The following SSR1 variants were observed in gnomAD, a reference collection of about 807,000 sequenced individuals.
The protein encoded by SSR1 is signal sequence receptor subunit 1.
A neutral mutation model predicts 36.1 loss-of-function variants in SSR1; 13 were observed. The ratio of observed to expected loss-of-function variants is 0.36; its 90% CI spans 0.23 to 0.57. The LOEUF is 0.57. Ranked by LOEUF, SSR1 falls within the 20% of genes least tolerant of loss-of-function variation. The probability of loss-of-function intolerance (pLI) is 0.81; values close to 1 mark genes in which losing one functional copy is unlikely to be tolerated. For missense variants in SSR1, 291 were observed against 338.5 expected (o/e 0.86, Z 1.10); for synonymous variants, 113 against 118.9 (o/e 0.95, Z 0.32).
intron 4 of SSR1, among the ~76,000 whole-genome samples, chr6:7,300,530 TA>T (rs1192938931): frequency 6.6e-6 from 1 of 152,234 alleles, no homozygotes; most frequent in Non-Finnish European, 1.5e-5. Context: ...TATCTATGAG[TA>T]CATAAAATGA....
intron 2 of SSR1, among the ~76,000 whole-genome samples, chr6:7,306,897 A>T (rs1428735962): frequency 7.1e-6 from 1 of 140,440 alleles, no homozygotes; most frequent in Non-Finnish European, 1.5e-5. Flanking sequence ...AGCCTGGGCG[A>T]CAGAGCGAGA....
At chr6:7,294,401 A>C (rs1392364723) in intron 7 of SSR1, among the ~76,000 whole-genome samples, 1 of 152,174 alleles carries the variant, frequency 6.6e-6, no homozygotes, top group Non-Finnish European at 1.5e-5. Context: ...ATTTATGAAA[A>C]ATAGGGCCGG....
chr6:7,298,080 C>T, intron 5 of SSR1, 79 bp from the exon 6 acceptor site: 1 of 1,047,872 alleles, frequency 9.5e-7, no homozygotes, highest in South Asian at 1.5e-5. Context: ...AATTATAACA[C>T]ATAATAGAAG....
At chr6:7,311,276 C>A (rs983022704) in intron 1 of SSR1, among the ~76,000 whole-genome samples, 13 of 147,430 alleles carry the variant, frequency 8.8e-5, no homozygotes, top group African/African-American at 3.4e-4. Context: ...CACATTATAT[C>A]TATTTCAGGC....
intron 2 of SSR1, among the ~76,000 whole-genome samples, chr6:7,307,015 G>A (rs1165915346): frequency 6.6e-6 from 1 of 151,684 alleles, no homozygotes; most frequent in East Asian, 1.9e-4. Flanking sequence ...TAAACCAGCT[G>A]TTGATATCTT....
In SSR1 at chr6:7,310,447, A is replaced by G. The variant is rs188027739; in HGVS notation, c.80-418T>C. On this transcript the variant is annotated intron_variant, in intron 1 of 7. Coordinates refer to ENST00000244763, the MANE Select transcript of SSR1 (RefSeq NM_003144.5). ...TTTAACTTCAAAAAGTGCCCAACAG[A>G]TGGAAAAATGAATGGCACAAACTAA... 7.9e-5 allele frequency among the ~76,000 whole-genome samples: 12 copies of G among 152,280 alleles called. No homozygotes were observed. In the East Asian group the frequency reaches 2.3e-3, roughly 29 times the overall value.
At chr6:7,295,328 A>C in intron 7 of SSR1, 64 bp downstream of exon 7, 1 of 1,337,544 alleles carries the variant, frequency 7.5e-7, no homozygotes. Flanking sequence ...TTTAAACTAA[A>C]TCTAAGGTAT....
In SSR1 at chr6:7,289,597, A is replaced by G. The variant is rs970091424; in HGVS notation, c.*267T>C. ...AAGACTTGTTTCAGGTAGTTCAACA[A>G]TGATTCTGGTAAGACCAACTGCTCA... is the stretch of plus-strand genomic sequence containing the variant. On this transcript the variant is annotated 3_prime_UTR_variant, in exon 8 of 8. Coordinates refer to ENST00000244763, the MANE Select transcript of SSR1 (RefSeq NM_003144.5). The G allele has an allele frequency of 6.6e-6, 3 of 454,898 alleles. No homozygotes were observed. The highest frequency in any genetic ancestry group is 1.2e-5 in the Non-Finnish European group (3 of 259,884). 28.2% of individuals were successfully genotyped at this position (454,898 alleles called of 1,614,324 possible). A position where few individuals can be genotyped will look rare whatever the true frequency, so the allele number is the denominator to read the frequency against.
intron 7 of SSR1, among the ~76,000 whole-genome samples, chr6:7,294,410 G>C (rs551390393): frequency 6.6e-6 from 1 of 152,124 alleles, no homozygotes; most frequent in African/African-American, 2.4e-5. Context: ...AAATAGGGCC[G>C]GGCGTGGTGG....
chr6:7,292,520 C>T (rs1353582893), intron 7 of SSR1, among the ~76,000 whole-genome samples: 1 of 151,952 alleles, frequency 6.6e-6, no homozygotes, highest in Non-Finnish European at 1.5e-5. Context: ...CTTTGCAGTC[C>T]TCCACAAAGT....
At chr6:7,300,160 T>C (rs1229243860) in intron 4 of SSR1, among the ~76,000 whole-genome samples, 2 of 152,206 alleles carry the variant, frequency 1.3e-5, no homozygotes, top group Non-Finnish European at 2.9e-5. Context: ...AAATACTTCC[T>C]TTTCTCTACT....
chr6:7,299,840 G>A lies in SSR1; in HGVS notation c.544-1017C>T, dbSNP rs372512490. Among the ~76,000 whole-genome samples, 345 of 152,112 alleles carry A rather than the reference G, an allele frequency of 2.3e-3. 3 individuals carry two copies. Among genetic ancestry groups the A allele is most frequent in the Non-Finnish European group, 3.0e-3 (203 of 67,986 alleles). On this transcript the variant is annotated intron_variant, in intron 4 of 7. Transcript: ENST00000244763. ...TTTTCAAATGCATTAGACTCACTGG[G>A]GCAATACACAGCTATTCTTCACAAA...
Position 7,286,512 on chromosome 6 carries a change from C to G in SSR1, c.*3352G>C, listed in dbSNP as rs1031841109. On this transcript the variant is annotated 3_prime_UTR_variant, in exon 8 of 8. Coordinates refer to ENST00000244763, the MANE Select transcript of SSR1 (RefSeq NM_003144.5). The stretch of plus-strand genomic sequence containing the variant: ...AGAATCTTGTTTGTGTGTGAAGCTG[C>G]TTTTTACTAAGTTGGAGGTAAGAGC... 2 of 152,164 alleles carry G rather than the reference C, an allele frequency of 1.3e-5. No individual in the cohort carries two copies. Among genetic ancestry groups the G allele is most frequent in the Non-Finnish European group, 2.9e-5 (2 of 68,032 alleles). The allele number at this position is 152,164 out of a possible 1,614,324, so 9.4% of individuals were successfully genotyped here.
intron 4 of SSR1, among the ~76,000 whole-genome samples, chr6:7,300,844 G>C (rs1194171464): frequency 2.0e-5 from 3 of 151,998 alleles, no homozygotes; most frequent in African/African-American, 7.3e-5. Context: ...GGTTTCACCA[G>C]GTTGGCCAGG....
intron 2 of SSR1, among the ~76,000 whole-genome samples, chr6:7,305,726 T>C (rs1277622461): frequency 6.6e-6 from 1 of 152,176 alleles, no homozygotes; most frequent in Non-Finnish European, 1.5e-5. Context: ...GATGGGTGAA[T>C]AATATATTTG....
At chr6:7,293,949 T>C (rs928309413) in intron 7 of SSR1, among the ~76,000 whole-genome samples, 2 of 152,234 alleles carry the variant, frequency 1.3e-5, no homozygotes, top group African/African-American at 4.8e-5. Flanking sequence ...ATAGGCAATA[T>C]TGTGCATGGT....
intron 3 of SSR1, 134 bp from the exon 4 acceptor site, chr6:7,301,706 C>T: frequency 1.1e-6 from 1 of 892,504 alleles, no homozygotes; most frequent in South Asian, 1.8e-5. Context: ...ATAGAGCACT[C>T]CAGTCACCTA....
In SSR1 at chr6:7,283,641, A is replaced by G. The variant is rs1399600046; in HGVS notation, c.*6223T>C. 6.6e-6 allele frequency: 1 copy of G among 152,350 alleles called. No homozygotes were observed. The allele number at this position is 152,350 out of a possible 1,614,324, so 9.4% of individuals were successfully genotyped here. On this transcript the variant is annotated 3_prime_UTR_variant, in exon 8 of 8. Transcript: ENST00000244763. ...AGTGATCCACCCACCTCAGCCTCCC[A>G]AAGTGCTGGAATTACAGGAGTGAGC...
intron 7 of SSR1, among the ~76,000 whole-genome samples, chr6:7,292,986 G>A (rs1441928020): frequency 2.0e-5 from 3 of 152,080 alleles, no homozygotes; most frequent in Non-Finnish European, 4.4e-5. Context: ...CAATTCACAG[G>A]AAAAGAAACC....
Sources: allele counts gnomAD v4.1 joint callset (sites outside exome capture counted in the v4.1 genomes callset), GRCh38; gene constraint gnomAD v4.1.1; transcripts MANE v1.5; gene names NCBI Gene and HGNC (gene_info 2026-07-23, HGNC 2026-07-21).